The following RARB variants were observed in gnomAD, a reference collection of about 807,000 sequenced individuals.
RARB encodes the protein HBV-activated protein.
Under a neutral mutation model 51.9 loss-of-function variants are expected in RARB, and 17 were observed. The ratio of observed to expected loss-of-function variants is 0.33; its 90% CI spans 0.22 to 0.49. RARB has a LOEUF of 0.49. Among genes scored for constraint, RARB ranks in the 20% least tolerant of loss-of-function variants. The pLI, the probability that RARB is intolerant of heterozygous loss-of-function variation, is 0.99. For missense variants in RARB, 369 were observed against 550.8 expected (o/e 0.67, Z 3.30); for synonymous variants, 215 against 195.4 (o/e 1.10, Z -0.84).
intron 5 of RARB, among the ~76,000 whole-genome samples, chr3:25,307,655 T>C (rs1374770876): frequency 6.6e-6 from 1 of 152,200 alleles, no homozygotes; most frequent in African/African-American, 2.4e-5. Context: ...AGTCAGGAAT[T>C]ATTTAGTTTC....
At chr3:25,328,052 A>AT (rs1472836510) in intron 5 of RARB, among the ~76,000 whole-genome samples, 2 of 152,264 alleles carry the variant, frequency 1.3e-5, no homozygotes, top group Non-Finnish European at 2.9e-5. Flanking sequence ...TTTCTAAAGA[A>AT]TTATTAGCAA....
chr3:24,964,962 C>A (rs4858670), intron 2 of RARB, among the ~76,000 whole-genome samples: 1 of 152,040 alleles, frequency 6.6e-6, no homozygotes, highest in Non-Finnish European at 1.5e-5. Flanking sequence ...GAACTATATA[C>A]AGTGATTAAA....
intron 5 of RARB, among the ~76,000 whole-genome samples, chr3:25,590,553 C>G (rs1167545413): frequency 6.6e-6 from 1 of 152,160 alleles, no homozygotes; most frequent in African/African-American, 2.4e-5. Context: ...CAGGGTCTCA[C>G]TCTGTCACCC....
intron 5 of RARB, among the ~76,000 whole-genome samples, chr3:25,199,407 C>T (rs899676513): frequency 3.9e-5 from 6 of 151,956 alleles, no homozygotes; most frequent in Non-Finnish European, 7.4e-5. Flanking sequence ...AGAGCGATTA[C>T]AGTCAACAAT....
chr3:25,376,162 G>C (rs112895284), intron 5 of RARB, among the ~76,000 whole-genome samples: 10 of 152,232 alleles, frequency 6.6e-5, no homozygotes, highest in African/African-American at 2.4e-4. Context: ...TTACTAACTG[G>C]TGTAGAATCA....
At chr3:25,064,868 T>C (rs893033349) in intron 3 of RARB, among the ~76,000 whole-genome samples, 3 of 152,180 alleles carry the variant, frequency 2.0e-5, no homozygotes, top group Non-Finnish European at 4.4e-5. Flanking sequence ...AGTGATCAAA[T>C]GTCATAATCC....
chr3:25,508,722 C>A (rs1001497535), intron 3 of RARB, among the ~76,000 whole-genome samples: 3 of 152,106 alleles, frequency 2.0e-5, no homozygotes, highest in African/African-American at 7.2e-5. Context: ...CCCCCACCTT[C>A]TCTTCTTGCT....
chr3:25,190,896 T>C (rs746061431), intron 5 of RARB, among the ~76,000 whole-genome samples: 3 of 152,092 alleles, frequency 2.0e-5, no homozygotes, highest in Non-Finnish European at 2.9e-5. Context: ...AATCATCTGG[T>C]TCAGAAACTT....
intron 3 of RARB, among the ~76,000 whole-genome samples, chr3:25,503,795 G>A (rs115434878): frequency 1.6e-3 from 238 of 152,274 alleles, no homozygotes; most frequent in African/African-American, 5.4e-3. Flanking sequence ...CACAGTATAC[G>A]CAACTGAAAT....
chr3:25,259,788 T>C, intron 5 of RARB, among the ~76,000 whole-genome samples: 1 of 152,190 alleles, frequency 6.6e-6, no homozygotes, highest in Non-Finnish European at 1.5e-5. Context: ...CATTTTATTT[T>C]ATGCATGACC....
chr3:25,209,594 C>T lies in RARB; in HGVS notation c.178+35019C>T, dbSNP rs574045415. On this transcript the variant is annotated intron_variant, in intron 5 of 11. Transcript: ENST00000383772. ...GATACGTGGCTTGGAGAATATATTT[C>T]GGCTCTTTCACCCTTCTTAGCTGGA... is the stretch of plus-strand genomic sequence containing the variant. 1.4e-4 allele frequency among the ~76,000 whole-genome samples: 22 copies of T among 152,296 alleles called. No individual in the cohort carries two copies. The South Asian group carries it at 3.3e-3, about 23-fold the overall frequency.
chr3:25,146,445 A>G (rs1700191386), intron 4 of RARB, among the ~76,000 whole-genome samples: 1 of 152,070 alleles, frequency 6.6e-6, no homozygotes, highest in African/African-American at 2.4e-5. Flanking sequence ...TTAATTTGCA[A>G]AAACACACAG....
intron 2 of RARB, among the ~76,000 whole-genome samples, chr3:25,461,687 A>G (rs1695193284): frequency 6.6e-6 from 1 of 152,144 alleles, no homozygotes; most frequent in Non-Finnish European, 1.5e-5. Flanking sequence ...TGAGGTTAGG[A>G]GTTTGAGGCC....
chr3:25,066,400 T>C (rs964733709), intron 3 of RARB, among the ~76,000 whole-genome samples: 1 of 152,204 alleles, frequency 6.6e-6, no homozygotes, highest in Non-Finnish European at 1.5e-5. Context: ...TTTTTAATAT[T>C]TGAGAATCAG....
intron 5 of RARB, among the ~76,000 whole-genome samples, chr3:25,240,432 C>G (rs1702403749): frequency 6.6e-6 from 1 of 152,072 alleles, no homozygotes; most frequent in African/African-American, 2.4e-5. Flanking sequence ...GCTTTCAACT[C>G]TTTTCCATTT....
chr3:25,312,217 T>G (rs1461220691), intron 5 of RARB, among the ~76,000 whole-genome samples: 1 of 152,208 alleles, frequency 6.6e-6, no homozygotes, highest in African/African-American at 2.4e-5. Context: ...TTTGGCTAAT[T>G]ACTTTTCTGA....
At chr3:25,357,184 C>T (rs1249185271) in intron 5 of RARB, among the ~76,000 whole-genome samples, 3 of 152,144 alleles carry the variant, frequency 2.0e-5, no homozygotes, top group Non-Finnish European at 4.4e-5. Context: ...CTGTTGTTTC[C>T]TGACTTTTTA....
chr3:25,128,023 G>A (rs754636996), intron 3 of RARB, among the ~76,000 whole-genome samples: 2 of 152,068 alleles, frequency 1.3e-5, no homozygotes, highest in East Asian at 1.9e-4. Context: ...TGTAGGGGAC[G>A]AAAAGCAAAC....
At chr3:24,952,501 G>A (rs562985919) in intron 2 of RARB, among the ~76,000 whole-genome samples, 1 of 151,968 alleles carries the variant, frequency 6.6e-6, no homozygotes, top group Non-Finnish European at 1.5e-5. Context: ...GCACTCCGGC[G>A]CTAACTGCTT....
Sources: gnomAD v4.1 joint callset for allele counts (sites outside exome capture counted in the v4.1 genomes callset) on GRCh38, gnomAD v4.1.1 for gene constraint, MANE v1.5 for transcripts, NCBI Gene and HGNC (gene_info 2026-07-23, HGNC 2026-07-21) for gene names.